The following RNF150 variants were observed in gnomAD, a reference collection of about 807,000 sequenced individuals.
The protein encoded by RNF150 is ring finger protein 150.
A neutral mutation model predicts 39.3 loss-of-function variants in RNF150; 24 were observed. That is an observed-to-expected ratio of 0.61 (90% confidence interval 0.44 to 0.86). The LOEUF is 0.86. Among genes scored for constraint, RNF150 ranks in the 40% least tolerant of loss-of-function variants. The pLI is 0.00. For missense variants in RNF150, 502 were observed against 587.8 expected (o/e 0.85, Z 1.51); for synonymous variants, 255 against 227.3 (o/e 1.12, Z -1.10).
intron 5 of RNF150, among the ~76,000 whole-genome samples, chr4:140,916,716 G>C (rs1412557232): frequency 1.3e-5 from 2 of 152,102 alleles, no homozygotes; most frequent in African/African-American, 4.8e-5. Flanking sequence ...TCCTCAAGAA[G>C]AGCAACTCCA....
intron 6 of RNF150, among the ~76,000 whole-genome samples, chr4:140,903,171 C>G (rs949413950): frequency 1.2e-4 from 18 of 152,202 alleles, no homozygotes; most frequent in Admixed American, 7.8e-4. Context: ...ACACAGCTAA[C>G]TGGAGGCCAA....
At chr4:141,208,101 C>T (rs13131368) in intron 1 of RNF150, among the ~76,000 whole-genome samples, 33,678 of 152,192 alleles carry the variant, frequency 0.22, 3,967 homozygotes, top group South Asian at 0.32. Context: ...GCAGAATGTC[C>T]GGAAGCCACT....
chr4:140,907,367 A>T (rs549195643), intron 6 of RNF150, among the ~76,000 whole-genome samples: 1 of 152,206 alleles, frequency 6.6e-6, no homozygotes, highest in African/African-American at 2.4e-5. Flanking sequence ...CTAATGTCAG[A>T]CTTGCAACAA....
intron 1 of RNF150, among the ~76,000 whole-genome samples, chr4:141,015,060 C>T (rs199742821): frequency 6.6e-6 from 1 of 152,102 alleles, no homozygotes; most frequent in African/African-American, 2.4e-5. Context: ...ATTCTCAACA[C>T]CATTTATTGA....
At chr4:141,031,841 G>A (rs1163980182) in intron 1 of RNF150, among the ~76,000 whole-genome samples, 1 of 151,990 alleles carries the variant, frequency 6.6e-6, no homozygotes, top group Non-Finnish European at 1.5e-5. Context: ...ATGGTACAAA[G>A]TTCCTTAAAA....
chr4:140,897,601 G>A (rs1730011177), intron 6 of RNF150, among the ~76,000 whole-genome samples: 1 of 152,138 alleles, frequency 6.6e-6, no homozygotes, highest in Non-Finnish European at 1.5e-5. Context: ...CCTCTGACAT[G>A]GTTCCTAGAC....
At chr4:141,093,381 G>A (rs535458513) in intron 1 of RNF150, among the ~76,000 whole-genome samples, 8 of 151,162 alleles carry the variant, frequency 5.3e-5, no homozygotes, top group African/African-American at 1.7e-4. Context: ...AAAAAAAAGG[G>A]GGGGGAAAGG....
chr4:140,994,557 A>C (rs1273920236), intron 1 of RNF150, among the ~76,000 whole-genome samples: 1 of 152,196 alleles, frequency 6.6e-6, no homozygotes, highest in Non-Finnish European at 1.5e-5. Context: ...TTGAACAGTG[A>C]CCTTATTGTG....
In RNF150 at chr4:141,058,044, A is replaced by G. The variant is rs1004153252; in HGVS notation, c.484+74281T>C. Among the ~76,000 whole-genome samples the G allele has an allele frequency of 3.9e-5, 6 of 152,306 alleles. No individual in the cohort carries two copies. The East Asian group carries it at 1.2e-3, about 29-fold the overall frequency. On this transcript the variant is annotated intron_variant, in intron 1 of 6. Transcript: ENST00000515673. ...AGATGAAGCAAATCCATGCATAAAA[A>G]TTTAAAATATATATTACCAATAAAA...
At chr4:141,012,228 C>A (rs758913387) in intron 1 of RNF150, among the ~76,000 whole-genome samples, 1 of 152,228 alleles carries the variant, frequency 6.6e-6, no homozygotes, top group Non-Finnish European at 1.5e-5. Context: ...AAGCAGCCTG[C>A]AAACACAGAC....
At chr4:141,209,546 T>C (rs1365852488) in intron 1 of RNF150, among the ~76,000 whole-genome samples, 1 of 152,200 alleles carries the variant, frequency 6.6e-6, no homozygotes, top group Non-Finnish European at 1.5e-5. Context: ...ATTACTTGAT[T>C]ATTGAGGCTA....
chr4:141,141,170 C>G (rs976665396), intron 1 of RNF150, among the ~76,000 whole-genome samples: 1 of 152,168 alleles, frequency 6.6e-6, no homozygotes, highest in South Asian at 2.1e-4. Context: ...TTCCCATAAG[C>G]CAGGTCCTGT....
upstream of RNF150, among the ~76,000 whole-genome samples, chr4:141,133,872 T>C (rs1276492591): frequency 1.3e-5 from 2 of 152,276 alleles, no homozygotes; most frequent in East Asian, 3.9e-4. Context: ...TCTTTAGTTT[T>C]AAAACTCAGA....
In RNF150 at chr4:140,865,634, G is replaced by C. The variant is rs1156673475; in HGVS notation, c.*2627C>G. ...CTTTGGTAAGTAGTGAATGGCAAAG[G>C]CTCAGGGGGTTTGCAGCAGGACCTC... On this transcript the variant is annotated 3_prime_UTR_variant, in exon 7 of 7. Transcript: ENST00000515673. 1 of 151,368 alleles carries C rather than the reference G, an allele frequency of 6.6e-6. No individual in the cohort carries two copies. Among genetic ancestry groups the C allele is most frequent in the Non-Finnish European group, 1.5e-5 (1 of 67,912 alleles). The allele number at this position is 151,368 out of a possible 1,614,324, so 9.4% of individuals were successfully genotyped here. A position where few individuals can be genotyped will look rare whatever the true frequency, so the allele number is the denominator to read the frequency against.
intron 1 of RNF150, among the ~76,000 whole-genome samples, chr4:141,078,337 C>G (rs1737981179): frequency 6.6e-6 from 1 of 152,102 alleles, no homozygotes; most frequent in Non-Finnish European, 1.5e-5. Context: ...GAAGACTGAG[C>G]AATTTTGAAA....
At chr4:140,932,070 C>T (rs1262609702) in intron 4 of RNF150, among the ~76,000 whole-genome samples, 2 of 152,162 alleles carry the variant, frequency 1.3e-5, no homozygotes, top group African/African-American at 4.8e-5. Context: ...CTGTGGTTTT[C>T]CTTTGGCACC....
intron 1 of RNF150, among the ~76,000 whole-genome samples, chr4:141,176,225 C>T (rs1229807985): frequency 6.6e-6 from 1 of 152,076 alleles, no homozygotes; most frequent in African/African-American, 2.4e-5. Flanking sequence ...CGGCACTAAT[C>T]CCTTTCATGA....
At chr4:141,048,059 C>A (rs972139767) in intron 1 of RNF150, among the ~76,000 whole-genome samples, 35 of 152,148 alleles carry the variant, frequency 2.3e-4, no homozygotes, top group African/African-American at 8.4e-4. Context: ...AGTGAACAAA[C>A]AGGGGTTGTG....
rs945300995 is a variant in RNF150, at chr4:140,864,092, T to A, written c.*4169A>T. ...GAATTTCCAGGATATTTCACCAGGA[T>A]GAAGGAAATGTTAAAAACAAGAAAA... On this transcript the variant is annotated 3_prime_UTR_variant, in exon 7 of 7. Coordinates refer to ENST00000515673, the MANE Select transcript of RNF150 (RefSeq NM_020724.2). 7.2e-5 allele frequency: 11 copies of A among 152,154 alleles called. No individual in the cohort carries two copies. Among genetic ancestry groups the A allele is most frequent in the African/African-American group, 2.7e-4 (11 of 41,438 alleles). 9.4% of individuals were successfully genotyped at this position (152,154 alleles called of 1,614,324 possible). A position where few individuals can be genotyped will look rare whatever the true frequency, so the allele number is the denominator to read the frequency against.
Sources: gnomAD v4.1 joint callset for allele counts (sites outside exome capture counted in the v4.1 genomes callset) on GRCh38, gnomAD v4.1.1 for gene constraint, MANE v1.5 for transcripts, NCBI Gene and HGNC (gene_info 2026-07-23, HGNC 2026-07-21) for gene names.